The following STAT4 variants were observed in gnomAD, a reference collection of about 807,000 sequenced individuals.
STAT4 encodes the protein signal transducer and activator of transcription 4.
Under a neutral mutation model 110.5 loss-of-function variants are expected in STAT4, and 42 were observed. The ratio of observed to expected loss-of-function variants is 0.38; its 90% confidence interval spans 0.30 to 0.49. STAT4 has a LOEUF of 0.49. Among genes scored for constraint, STAT4 ranks in the 20% least tolerant of loss-of-function variants. The pLI is 0.95. For synonymous variants in STAT4, 284 were observed against 302.2 expected, an observed-to-expected ratio of 0.94 and a Z score of 0.63; for missense variants, 632 against 887.9, an observed-to-expected ratio of 0.71 and a Z score of 3.66.
In STAT4 at chr2:191,082,754, C is replaced by T. The variant is rs573247125; in HGVS notation, c.274-6429G>A. 1.3e-4 allele frequency among the ~76,000 whole-genome samples: 20 copies of T among 152,200 alleles called. No homozygotes were observed. The highest frequency in any genetic ancestry group is 3.4e-3 in the Middle Eastern group (1 of 294). ...ATCTGCTCTTTTTCTTCCAAATGGT[C>T]CAAGAAGTTCCAGAGTCAGAAGTAA... On this transcript the variant is annotated intron_variant, in intron 3 of 23. Transcript: ENST00000392320. The surrounding 1 kb of genome is among the most constrained non-coding windows in gnomAD (Gnocchi z 4.7).
rs1250161761 is a variant in STAT4 at position 191,066,597 on chromosome 2, C to A, written c.545-82G>T. On this transcript the variant is annotated intron_variant, in intron 6 of 23. Coordinates refer to ENST00000392320, the MANE Select transcript of STAT4 (RefSeq NM_003151.4). The surrounding 1 kb of genome is among the most constrained non-coding windows in gnomAD (Gnocchi z 4.3). ...GCCTCAATCCACCATCCTAAAACAG[C>A]CCTGGCCCGGAGAACTTATGTGGTA... 1.5e-6 allele frequency: 2 copies of A among 1,306,512 alleles called. No individual in the cohort carries two copies. Among genetic ancestry groups the A allele is most frequent in the African/African-American group, 2.9e-5 (2 of 68,270 alleles). The allele number at this position is 1,306,512 out of a possible 1,614,324, so 80.9% of individuals were successfully genotyped here.
rs10189819 is a variant in STAT4, at chr2:191,144,023, T to C, written c.273+2590A>G. Among the ~76,000 whole-genome samples the C allele has an allele frequency of 0.22, 33,491 of 152,102 alleles. 4,062 individuals are homozygous for C. The highest frequency in any genetic ancestry group is 0.33 in the Middle Eastern group (96 of 294). On this transcript the variant is annotated intron_variant, in intron 3 of 23. Transcript: ENST00000392320. This position sits in a 1 kb window ranked among gnomAD's most constrained non-coding sequence, Gnocchi z 4.7. ...AGTAAGCACAATTTATAAATTGATA[T>C]ATATGGAAGCACAAGAAAGAGCAAG...
chr2:191,111,954 C>T (rs374759474), intron 3 of STAT4, among the ~76,000 whole-genome samples: 6 of 152,126 alleles, frequency 3.9e-5, no homozygotes, highest in South Asian at 2.1e-4. Context: ...AGCAGATCAA[C>T]GGCTGCCTGG....
At chr2:191,126,981 A>G (rs1698898329) in intron 3 of STAT4, among the ~76,000 whole-genome samples, 1 of 152,052 alleles carries the variant, frequency 6.6e-6, no homozygotes, top group Non-Finnish European at 1.5e-5. Context: ...CACCATGCCC[A>G]GCTAATTTTT....
At chr2:191,045,394 A>G (rs1696320472) in intron 14 of STAT4, among the ~76,000 whole-genome samples, 1 of 152,210 alleles carries the variant, frequency 6.6e-6, no homozygotes, top group African/African-American at 2.4e-5. Flanking sequence ...TTTGGGAGGA[A>G]TTATTCTCAA....
In STAT4 at chr2:191,132,955, C is replaced by T. The variant is rs183065891; in HGVS notation, c.273+13658G>A. Among the ~76,000 whole-genome samples, 1,190 of 151,184 alleles carry T rather than the reference C, an allele frequency of 7.9e-3. 49 individuals carry two copies. The highest frequency in any genetic ancestry group is 0.028 in the African/African-American group (1,134 of 40,892). ...ATTTTTAGTAGAGACGGGGTTTCAC[C>T]GTGTTAGCCAGGATGGTCTCGATAT... On this transcript the variant is annotated intron_variant, in intron 3 of 23. Transcript: ENST00000392320.
In STAT4 at chr2:191,042,779, T is replaced by C. The variant is rs940496213; in HGVS notation, c.1252-1631A>G. Among the ~76,000 whole-genome samples the C allele has an allele frequency of 6.8e-5, 10 of 146,326 alleles. No individual in the cohort carries two copies. Among genetic ancestry groups the C allele is most frequent in the Non-Finnish European group, 1.4e-4 (9 of 64,892 alleles). ...TAAATTCATTCATTGTATTCTCTCT[T>C]TTTTTTTTTTCTTTTTTGAGATGCA... On this transcript the variant is annotated intron_variant, in intron 14 of 23. Coordinates refer to ENST00000392320, the MANE Select transcript of STAT4 (RefSeq NM_003151.4). The surrounding 1 kb of genome is among the most constrained non-coding windows in gnomAD (Gnocchi z 4.2).
intron 3 of STAT4, among the ~76,000 whole-genome samples, chr2:191,098,722 C>T (rs1022860185): frequency 1.3e-5 from 2 of 152,190 alleles, no homozygotes; most frequent in Admixed American, 6.5e-5. Context: ...CAAACCTGCA[C>T]GTTGTGCACA....
Position 191,073,173 on chromosome 2 carries a change from G to A in STAT4, c.390C>T (p.Ser130=), listed in dbSNP as rs145071895. 201 of 1,613,684 alleles carry A rather than the reference G, an allele frequency of 1.2e-4. 1 individual carries two copies. In the Middle Eastern group the frequency reaches 1.3e-3, roughly 11 times the overall value. Reference sequence around the variant, plus strand: ...TTTCTGAAACTGAAGAACTTTGTAAGGATTTCTCTAGAGGCCCCTGGAAAA... The same window carrying A: ...TTTCTGAAACTGAAGAACTTTGTAAAGATTTCTCTAGAGGCCCCTGGAAAA... ...NMPVQGPLEK[S]LQSSSVSERQ... Residue 130 remains serine, a synonymous_variant, in exon 5 of 24, where the codon TCC becomes TCT. Coordinates refer to ENST00000392320, the MANE Select transcript of STAT4 (RefSeq NM_003151.4).
chr2:191,055,395 A>G (rs1184242339), intron 13 of STAT4, among the ~76,000 whole-genome samples: 1 of 54,542 alleles, frequency 1.8e-5, no homozygotes, highest in Non-Finnish European at 4.7e-5. Context: ...TTTTTTTTGT[A>G]TTTTTAGTAG....
rs569154206 is a variant in STAT4 at position 191,085,920 on chromosome 2, CT to C, written c.274-9596del. 7.4e-3 allele frequency among the ~76,000 whole-genome samples: 1,131 copies of C among 152,124 alleles called. 17 individuals are homozygous for C. The highest frequency in any genetic ancestry group is 0.026 in the African/African-American group (1,090 of 41,526). On this transcript the variant is annotated intron_variant, in intron 3 of 23. Coordinates refer to ENST00000392320, the MANE Select transcript of STAT4 (RefSeq NM_003151.4). ...TTTTGTTTTTCAAAGTCAAGAAAAC[CT>C]TTTTTTCATTTGAACTATTTACAGC...
In STAT4 at chr2:191,077,094, A is replaced by G. The variant is rs1464608715; in HGVS notation, c.274-769T>C. On this transcript the variant is annotated intron_variant, in intron 3 of 23. Transcript: ENST00000392320. This position sits in a 1 kb window ranked among gnomAD's most constrained non-coding sequence, Gnocchi z 4.1. The stretch of plus-strand genomic sequence containing the variant: ...ATACTAGAGTGAAACTATATGATAC[A>G]TTGTTTCAGCAACTATATTTTTATG... 6.6e-6 allele frequency among the ~76,000 whole-genome samples: 1 copy of G among 152,196 alleles called. No individual in the cohort carries two copies. Among genetic ancestry groups the G allele is most frequent in the Non-Finnish European group, 1.5e-5 (1 of 68,036 alleles).
In STAT4 at chr2:191,136,020, A is replaced by C. The variant is rs1167405624; in HGVS notation, c.273+10593T>G. 5.6e-3 allele frequency among the ~76,000 whole-genome samples: 752 copies of C among 133,478 alleles called. 4 individuals carry two copies. The highest frequency in any genetic ancestry group is 8.8e-3 in the Non-Finnish European group (550 of 62,164). The allele number at this position is 133,478 out of a possible 152,430, so 87.6% of individuals were successfully genotyped here. A position where few individuals can be genotyped will look rare whatever the true frequency, so the allele number is the denominator to read the frequency against. On this transcript the variant is annotated intron_variant, in intron 3 of 23. Coordinates refer to ENST00000392320, the MANE Select transcript of STAT4 (RefSeq NM_003151.4). ...CAGCATCTCAGAAAAAAAAAAAAAA[A>C]AACCAAAAAACAAAAAACCAATGTG...
chr2:191,067,574 C>T (rs1195541720), intron 6 of STAT4, among the ~76,000 whole-genome samples: 1 of 152,198 alleles, frequency 6.6e-6, no homozygotes, highest in Non-Finnish European at 1.5e-5. Flanking sequence ...CATTCATTAA[C>T]TTTAAAAATA....
In STAT4 at chr2:191,033,747, A is replaced by G. The variant is rs942462742; in HGVS notation, c.1716-121T>C. The G allele has an allele frequency of 7.2e-7, 1 of 1,380,330 alleles. No homozygotes were observed. The highest frequency in any genetic ancestry group is 1.5e-5 in the African/African-American group (1 of 68,502). 85.5% of individuals were successfully genotyped at this position (1,380,330 alleles called of 1,614,324 possible). The stretch of plus-strand genomic sequence containing the variant: ...AGTCATTCTTACCTGAAATACTCAT[A>G]TATAGATTAATATACATAGTGCCAC... On this transcript the variant is annotated intron_variant, in intron 19 of 23. Transcript: ENST00000392320. The surrounding 1 kb of genome is among the most constrained non-coding windows in gnomAD (Gnocchi z 6.9).
In STAT4 at chr2:191,050,239, C is replaced by G. The variant is rs1696481828; in HGVS notation, c.1251+4251G>C. Among the ~76,000 whole-genome samples, 1 of 152,162 alleles carries G rather than the reference C, an allele frequency of 6.6e-6. No individual in the cohort carries two copies. Among genetic ancestry groups the G allele is most frequent in the South Asian group, 2.1e-4 (1 of 4,816 alleles). On this transcript the variant is annotated intron_variant, in intron 14 of 23. Transcript: ENST00000392320. This position sits in a 1 kb window ranked among gnomAD's most constrained non-coding sequence, Gnocchi z 4.3. ...TTCAATAATCACTCTCTAGCTGGCT[C>G]CCTGCTAGATAAGTACCTCCAGGGA...
chr2:191,052,292 A>T (rs1407198853), intron 14 of STAT4, among the ~76,000 whole-genome samples: 1 of 152,212 alleles, frequency 6.6e-6, no homozygotes, highest in Non-Finnish European at 1.5e-5. Context: ...ACACGGTTCA[A>T]TCTGTGGTTT....
At position 191,036,180 on chromosome 2, in the gene STAT4, C is replaced by T. The variant is rs1419671603; in HGVS notation, c.1554G>A (p.Leu518=). 2 of 1,614,060 alleles carry T rather than the reference C, an allele frequency of 1.2e-6. No homozygotes were observed. The highest frequency in any genetic ancestry group is 8.5e-7 in the Non-Finnish European group (1 of 1,180,002). The part of the protein sequence containing the change: ...RGLNSDQLHM[L]AEKLTVQSSY... ...AGCTCTCACCTGTAAGCTTCTCTGCCAGCATATGGAGTTGATCTGAGTTAA... is the reference window on the plus strand; with the variant it reads ...AGCTCTCACCTGTAAGCTTCTCTGCTAGCATATGGAGTTGATCTGAGTTAA... The change falls in exon 17 of 24, where the codon CTG becomes CTA. Residue 518 remains leucine, a synonymous_variant. Transcript: ENST00000392320.
rs1040837615 is a variant in STAT4 at position 191,031,608 on chromosome 2, G to T, written c.2045-92C>A. On this transcript the variant is annotated intron_variant, in intron 21 of 23. Coordinates refer to ENST00000392320, the MANE Select transcript of STAT4 (RefSeq NM_003151.4). The surrounding 1 kb of genome is among the most constrained non-coding windows in gnomAD (Gnocchi z 4.8). The stretch of plus-strand genomic sequence containing the variant: ...AAGAGTCTAGAAAAATATTAACAAT[G>T]ATAAGAGGAAGAGAGATAACGCAGT... 3 of 1,023,286 alleles carry T rather than the reference G, an allele frequency of 2.9e-6. No individual in the cohort carries two copies. Among genetic ancestry groups the T allele is most frequent in the African/African-American group, 3.3e-5 (2 of 61,518 alleles). The allele number at this position is 1,023,286 out of a possible 1,614,324, so 63.4% of individuals were successfully genotyped here. A position where few individuals can be genotyped will look rare whatever the true frequency, so the allele number is the denominator to read the frequency against.
Sources: allele counts gnomAD v4.1 joint callset (sites outside exome capture counted in the v4.1 genomes callset), GRCh38; gene constraint gnomAD v4.1.1; non-coding constraint Gnocchi (gnomAD v3.1); transcripts MANE v1.5; gene names NCBI Gene and HGNC (gene_info 2026-07-23, HGNC 2026-07-21).